Variants in MCM6 observed in about 807,000 individuals in gnomAD.
The protein encoded by MCM6 is DNA replication licensing factor MCM6.
MCM6 carries 46 observed loss-of-function variants against 94.3 expected under a neutral mutation model. The ratio of observed to expected loss-of-function variants is 0.49; its 90% CI spans 0.39 to 0.62. The LOEUF is 0.62. MCM6 is among the 20% of genes least tolerant of loss of function. MCM6 has a pLI of 0.00. For missense variants in MCM6, 865 were observed against 1,017.9 expected (o/e 0.85, Z 2.04); for synonymous variants, 335 against 351.9 (o/e 0.95, Z 0.54).
chr2:135,849,387 A>C (rs1190676717), intron 13 of MCM6, among the ~76,000 whole-genome samples: 1 of 152,260 alleles, frequency 6.6e-6, no homozygotes, highest in Admixed American at 6.5e-5. Context: ...AAGCAAAAAA[A>C]AATTGTTTTA....
intron 4 of MCM6, 101 bp from the exon 5 acceptor site, chr2:135,866,829 A>G: frequency 1.0e-6 from 1 of 968,932 alleles, no homozygotes; most frequent in Non-Finnish European, 1.5e-6. Context: ...ATTCTAAACT[A>G]TCTGACCCAT....
At position 135,868,708 on chromosome 2, in the gene MCM6, T is replaced by G. The variant is rs778851994; in HGVS notation, c.518A>C (p.Lys173Thr). 1 of 1,614,212 alleles carries G rather than the reference T, an allele frequency of 6.2e-7. No individual in the cohort carries two copies. Residue 173 changes from lysine to threonine, a missense_variant, in exon 4 of 17, where the codon AAA (lysine) becomes ACA (threonine). Lys to Thr is a moderately conservative substitution (Grantham distance 78). Coordinates refer to ENST00000264156, the MANE Select transcript of MCM6 (RefSeq NM_005915.6). ...TVIRDVEQQF[K>T]YTQPNICRNP... Reference sequence around the variant, plus strand: ...TCGGCAGATGTTTGGCTGTGTGTATTTGAACTGCTGTTCTACATCCCTGAT... The same window carrying G: ...TCGGCAGATGTTTGGCTGTGTGTATGTGAACTGCTGTTCTACATCCCTGAT...
chr2:135,846,929 G>A (rs1306494321), intron 14 of MCM6, among the ~76,000 whole-genome samples: 6 of 151,788 alleles, frequency 4.0e-5, no homozygotes, highest in African/African-American at 1.2e-4. Context: ...GCTTGAACCC[G>A]GGAGGCAAAG....
At position 135,865,001 on chromosome 2, in the gene MCM6, T is replaced by A. The variant is rs1298176263; in HGVS notation, c.1078+12A>T. On this transcript the variant is annotated intron_variant, in intron 7 of 16. Coordinates refer to ENST00000264156, the MANE Select transcript of MCM6 (RefSeq NM_005915.6). ...ATTTCAAGTTTATGGTACAAATGGATGGAATTCTTACCATGTATAGTAGGG... is the reference window on the plus strand; with the variant it reads ...ATTTCAAGTTTATGGTACAAATGGAAGGAATTCTTACCATGTATAGTAGGG... The A allele has an allele frequency of 7.2e-7, 1 of 1,388,312 alleles. No homozygotes were observed. Among genetic ancestry groups the A allele is most frequent in the African/African-American group, 1.5e-5 (1 of 68,382 alleles). The allele number at this position is 1,388,312 out of a possible 1,614,324, so 86.0% of individuals were successfully genotyped here.
At chr2:135,850,638 G>T (rs1218319543) in intron 13 of MCM6, among the ~76,000 whole-genome samples, 1 of 152,186 alleles carries the variant, frequency 6.6e-6, no homozygotes, top group Non-Finnish European at 1.5e-5. Context: ...TGGGATAAAA[G>T]TAGTGATTGA....
intron 10 of MCM6, 90 bp from the exon 11 acceptor site, chr2:135,856,973 TAAA>T: frequency 8.2e-7 from 1 of 1,222,988 alleles, no homozygotes; most frequent in South Asian, 1.5e-5. Flanking sequence ...CATAATTAAC[TAAA>T]CACAAACCAA....
chr2:135,870,354 G>T lies in MCM6; in HGVS notation c.262C>A (p.Pro88Thr). Residue 88 changes from proline to threonine, a missense_variant, in exon 3 of 17, where the codon CCT becomes ACT. Physicochemically the swap from Pro to Thr is conservative, Grantham distance 38 (BLOSUM62 -1). Transcript: ENST00000264156. ...GTTTTCAAGGCCCGACACAGGTAAG[G>T]GTAAACTCTGAAAAACAAAAAAGTC... ...TIQEEFYRVYPYLCRALKTFV... is the reference protein window; with the variant it reads ...TIQEEFYRVYTYLCRALKTFV... The T allele has an allele frequency of 6.2e-7, 1 of 1,612,858 alleles. No homozygotes were observed. Among genetic ancestry groups the T allele is most frequent in the Non-Finnish European group, 8.5e-7 (1 of 1,179,106 alleles).
At position 135,844,598 on chromosome 2, in the gene MCM6, G is replaced by C. The variant is rs1174420535; in HGVS notation, c.2296C>G (p.Leu766Val). 1 of 1,583,056 alleles carries C rather than the reference G, an allele frequency of 6.3e-7. No individual in the cohort carries two copies. The highest frequency in any genetic ancestry group is 1.4e-5 in the African/African-American group (1 of 73,504). ...TCTATGATTCTTTTTTTATTTATAA[G>C]TTCTTCTTCAGAGTCTATCTCTGAT... ...IESEIDSEEELINKKRIIEKV... is the reference protein window; with the variant it reads ...IESEIDSEEEVINKKRIIEKV... Residue 766 changes from leucine (L) to valine (V), a missense_variant, in exon 16 of 17, where the codon CTT (leucine) becomes GTT (valine). By Grantham distance (32) the Leu-to-Val change is conservative. Coordinates refer to ENST00000264156, the MANE Select transcript of MCM6 (RefSeq NM_005915.6).
chr2:135,844,622 AT>A lies in MCM6; in HGVS notation c.2271del (p.Glu757AspfsTer4). The A allele has an allele frequency of 6.3e-7, 1 of 1,588,036 alleles. No individual in the cohort carries two copies. Among genetic ancestry groups the A allele is most frequent in the Non-Finnish European group, 8.6e-7 (1 of 1,169,202 alleles). ...AGTTCTTCTTCAGAGTCTATCTCTG[AT>A]TCGATTTCCTTCAAGTACCAGTTAA... Reference protein sequence around the residue: ...ELVNWYLKEIESEIDSEEELI... With the variant: ...ELVNWYLKEIXSEIDSEEELI... On this transcript the variant is annotated frameshift_variant, in exon 16 of 17. Transcript: ENST00000264156. LOFTEE classifies it high-confidence loss of function.
chr2:135,844,865 A>G (rs1679641983), intron 15 of MCM6, among the ~76,000 whole-genome samples, 181 bp from the exon 16 acceptor site: 1 of 152,240 alleles, frequency 6.6e-6, no homozygotes, highest in Non-Finnish European at 1.5e-5. Flanking sequence ...AACAAGTCAT[A>G]TCACTTGTAT....
chr2:135,842,717 G>A (rs1277868247), intron 16 of MCM6, among the ~76,000 whole-genome samples: 1 of 152,216 alleles, frequency 6.6e-6, no homozygotes. Flanking sequence ...GAGAGGAGGA[G>A]GATATCTAGG....
In MCM6 at chr2:135,875,571, C is replaced by T. The variant is rs780785451; in HGVS notation, c.107+688G>A. 2.0e-5 allele frequency among the ~76,000 whole-genome samples: 3 copies of T among 152,002 alleles called. No individual in the cohort carries two copies. In the South Asian group the frequency reaches 6.2e-4, roughly 31 times the overall value. On this transcript the variant is annotated intron_variant, in intron 1 of 16. Transcript: ENST00000264156. The stretch of plus-strand genomic sequence containing the variant: ...GGTGTATCTGCTCCAGGAAAAATAA[C>T]CGGTGGGTGAGGCAAGCCAGGGAGG...
chr2:135,873,049 T>A (rs575064307), intron 1 of MCM6, among the ~76,000 whole-genome samples: 2 of 152,330 alleles, frequency 1.3e-5, no homozygotes, highest in South Asian at 4.1e-4. Context: ...TTCCACATGT[T>A]GTGGGAGGCA....
At position 135,857,865 on chromosome 2, in the gene MCM6, G is replaced by A. The variant is rs772244866; in HGVS notation, c.1470+32C>T. 3.8e-6 allele frequency: 6 copies of A among 1,560,746 alleles called. No homozygotes were observed. The South Asian group carries it at 5.6e-5, about 14-fold the overall frequency. On this transcript the variant is annotated intron_variant, in intron 10 of 16. Coordinates refer to ENST00000264156, the MANE Select transcript of MCM6 (RefSeq NM_005915.6). The stretch of plus-strand genomic sequence containing the variant: ...TACATTAATCAACAAGGCTATGGAC[G>A]ATGCAGCAGAACAGAAGTAGATAAC...
At chr2:135,854,693 CA>C (rs1203243761) in intron 11 of MCM6, among the ~76,000 whole-genome samples, 1 of 151,472 alleles carries the variant, frequency 6.6e-6, no homozygotes, top group Non-Finnish European at 1.5e-5. Flanking sequence ...GGCAACATGG[CA>C]AAATCCTGTT....
At position 135,866,254 on chromosome 2, in the gene MCM6, G is replaced by A. The variant is rs1313858994; in HGVS notation, c.805C>T (p.Arg269Cys). 7 of 1,614,046 alleles carry A rather than the reference G, an allele frequency of 4.3e-6. No individual in the cohort carries two copies. The highest frequency in any genetic ancestry group is 2.2e-5 in the East Asian group (1 of 44,884). The change falls in exon 6 of 17, where the codon CGT (arginine) becomes TGT (cysteine). Residue 269 changes from arginine (R) to cysteine (C), a missense_variant. This residue lies in a region of MCM6 where 404 missense variants were observed against 451.9 expected (regional missense o/e 0.89). Transcript: ENST00000264156. ...TCATATCCATCAACACCACTGACAC[G>A]GGAATTAGTTTCTGCACGTGCTCCT... is the stretch of plus-strand genomic sequence containing the variant. ...TPGARAETNS[R>C]VSGVDGYETE...
At position 135,857,894 on chromosome 2, in the gene MCM6, T is replaced by C. The variant is rs773232065; in HGVS notation, c.1470+3A>G. 5 of 1,610,062 alleles carry C rather than the reference T, an allele frequency of 3.1e-6. No individual in the cohort carries two copies. Among genetic ancestry groups the C allele is most frequent in the Non-Finnish European group, 4.2e-6 (5 of 1,176,550 alleles). On this transcript the variant is annotated splice_donor_region_variant and intron_variant, in intron 10 of 16. Transcript: ENST00000264156. ...CAGCAGAACAGAAGTAGATAACACA[T>C]ACCTTCACTCCTGCTTTAGTGATGG...
intron 2 of MCM6, among the ~76,000 whole-genome samples, chr2:135,872,181 C>T (rs1680212552): frequency 6.6e-6 from 1 of 152,164 alleles, no homozygotes; most frequent in Non-Finnish European, 1.5e-5. Flanking sequence ...CACGGTGGCT[C>T]ACGCCTGTAA....
chr2:135,863,752 A>G (rs1680036861), intron 7 of MCM6, among the ~76,000 whole-genome samples: 1 of 151,082 alleles, frequency 6.6e-6, no homozygotes, highest in South Asian at 2.1e-4. Flanking sequence ...AAAACAAAAC[A>G]AAACAAAACA....
Sources: allele counts gnomAD v4.1 joint callset (sites outside exome capture counted in the v4.1 genomes callset), GRCh38; gene constraint gnomAD v4.1.1; regional missense constraint gnomAD v4.1.1; transcripts MANE v1.5; gene names NCBI Gene and HGNC (gene_info 2026-07-23, HGNC 2026-07-21).